The following GPC6 variants were observed in gnomAD, a reference collection of about 807,000 sequenced individuals.
The protein encoded by GPC6 is glypican-6.
GPC6 carries 14 observed loss-of-function variants against 55.2 expected under a neutral mutation model. The ratio of observed to expected loss-of-function variants is 0.25; its 90% CI spans 0.17 to 0.40. The LOEUF (loss-of-function observed/expected upper bound fraction) is 0.40. Among genes scored for constraint, GPC6 ranks in the 10% least tolerant of loss-of-function variants. The pLI is 1.00. For missense variants in GPC6, 641 were observed against 708.5 expected (o/e 0.90, Z 1.08); for synonymous variants, 278 against 259.6 (o/e 1.07, Z -0.68).
chr13:93,697,752 C>T (rs562567514), intron 2 of GPC6, among the ~76,000 whole-genome samples: 126 of 152,212 alleles, frequency 8.3e-4, no homozygotes, highest in Non-Finnish European at 1.5e-3. Context: ...TTAGATCATA[C>T]GTTGATTAGA....
At chr13:94,042,453 CT>C (rs1883577384) in intron 4 of GPC6, among the ~76,000 whole-genome samples, 1 of 151,860 alleles carries the variant, frequency 6.6e-6, no homozygotes, top group Non-Finnish European at 1.5e-5. Flanking sequence ...AGTTTATCCC[CT>C]ATCTTTTTCA....
At chr13:93,983,274 G>A (rs1287589451) in intron 3 of GPC6, among the ~76,000 whole-genome samples, 2 of 152,082 alleles carry the variant, frequency 1.3e-5, no homozygotes, top group African/African-American at 4.8e-5. Context: ...GGCAATATTG[G>A]TTACAGTAAA....
At chr13:94,139,896 T>C (rs563263631) in intron 4 of GPC6, among the ~76,000 whole-genome samples, 8 of 152,300 alleles carry the variant, frequency 5.3e-5, no homozygotes, top group Admixed American at 2.0e-4. Context: ...GTTGTTAACA[T>C]TGACACATAG....
At chr13:93,835,744 C>T (rs1887708552) in intron 3 of GPC6, among the ~76,000 whole-genome samples, 1 of 152,054 alleles carries the variant, frequency 6.6e-6, no homozygotes, top group South Asian at 2.1e-4. Context: ...AAGAGCAAAA[C>T]TCCTTCTAAA....
At chr13:94,016,935 A>G (rs942976641) in intron 3 of GPC6, among the ~76,000 whole-genome samples, 1 of 151,962 alleles carries the variant, frequency 6.6e-6, no homozygotes, top group African/African-American at 2.4e-5. Flanking sequence ...CCTGGGTTCA[A>G]ACGATTCTCC....
intron 3 of GPC6, among the ~76,000 whole-genome samples, chr13:93,982,549 A>G (rs1331909179): frequency 2.0e-5 from 3 of 152,178 alleles, no homozygotes. Context: ...CTACTTAGGT[A>G]TCTCTCTGTC....
intron 3 of GPC6, among the ~76,000 whole-genome samples, chr13:94,010,088 G>C (rs1566282089): frequency 6.6e-6 from 1 of 152,024 alleles, no homozygotes; most frequent in East Asian, 1.9e-4. Context: ...CCAAATTGAA[G>C]ATCAAATAAT....
chr13:94,310,149 C>T (rs1218632580), intron 6 of GPC6, among the ~76,000 whole-genome samples: 1 of 152,142 alleles, frequency 6.6e-6, no homozygotes, highest in African/African-American at 2.4e-5. Flanking sequence ...AAAATTAGAG[C>T]ACAACATGTT....
intron 4 of GPC6, among the ~76,000 whole-genome samples, chr13:94,234,508 CT>C (rs56709078): frequency 0.014 from 1,932 of 136,058 alleles, 11 homozygotes; most frequent in Non-Finnish European, 0.022. Context: ...CTTTTGTTTG[CT>C]TTTTTTTTTT....
At chr13:93,274,777 C>T (rs962290961) in intron 1 of GPC6, among the ~76,000 whole-genome samples, 3 of 151,962 alleles carry the variant, frequency 2.0e-5, no homozygotes, top group African/African-American at 7.3e-5. Flanking sequence ...AAAATATATC[C>T]ACTGTTTTTG....
chr13:94,262,674 GAA>G (rs60528347), intron 4 of GPC6, among the ~76,000 whole-genome samples: 4 of 84,206 alleles, frequency 4.8e-5, no homozygotes, highest in Non-Finnish European at 2.3e-5. Context: ...CTCCGTCTCA[GAA>G]AAAAAAAAAA....
At chr13:93,481,534 T>C (rs928619065) in intron 1 of GPC6, among the ~76,000 whole-genome samples, 5 of 152,142 alleles carry the variant, frequency 3.3e-5, no homozygotes, top group Non-Finnish European at 7.4e-5. Flanking sequence ...TGTTTTCTTA[T>C]ATGAGTGTTT....
chr13:93,573,018 GA>G (rs1474788885), intron 2 of GPC6, among the ~76,000 whole-genome samples: 1 of 152,044 alleles, frequency 6.6e-6, no homozygotes, highest in Non-Finnish European at 1.5e-5. Flanking sequence ...GGAGGCAGGG[GA>G]AAAGGTTAGA....
intron 2 of GPC6, among the ~76,000 whole-genome samples, chr13:93,556,868 T>C (rs1213922727): frequency 1.3e-5 from 2 of 152,192 alleles, no homozygotes; most frequent in East Asian, 3.9e-4. Flanking sequence ...ATCCATATTA[T>C]TGCAAATGAC....
chr13:94,383,278 C>A (rs1880256027), intron 7 of GPC6, among the ~76,000 whole-genome samples: 2 of 152,148 alleles, frequency 1.3e-5, no homozygotes, highest in Admixed American at 1.3e-4. Context: ...CCAAAGCCCT[C>A]AGCAATGGGG....
At chr13:93,566,015 AT>A (rs1465801967) in intron 2 of GPC6, among the ~76,000 whole-genome samples, 1 of 152,174 alleles carries the variant, frequency 6.6e-6, no homozygotes, top group Admixed American at 6.6e-5. Flanking sequence ...CAACAAAAAA[AT>A]ATAGTGAGTG....
intron 1 of GPC6, among the ~76,000 whole-genome samples, chr13:93,431,349 G>A (rs1877351675): frequency 6.6e-6 from 1 of 152,216 alleles, no homozygotes; most frequent in East Asian, 1.9e-4. Context: ...CTTAGAAAAT[G>A]TGGGGGAAAC....
chr13:93,362,430 A>C (rs924745316), intron 1 of GPC6, among the ~76,000 whole-genome samples: 3 of 152,176 alleles, frequency 2.0e-5, no homozygotes, highest in African/African-American at 7.2e-5. Flanking sequence ...CTGTAAACCC[A>C]TCCAAGGTGA....
At chr13:93,809,888 G>T (rs1411479164) in intron 2 of GPC6, among the ~76,000 whole-genome samples, 1 of 152,186 alleles carries the variant, frequency 6.6e-6, no homozygotes, top group Non-Finnish European at 1.5e-5. Context: ...CCCCAGAGAA[G>T]TTTCAAGTAA....
Sources: gnomAD v4.1 joint callset for allele counts (sites outside exome capture counted in the v4.1 genomes callset) on GRCh38, gnomAD v4.1.1 for gene constraint, MANE v1.5 for transcripts, NCBI Gene and HGNC (gene_info 2026-07-23, HGNC 2026-07-21) for gene names.